Variants in RAD51B observed in about 807,000 individuals in gnomAD.
The protein encoded by RAD51B is RAD51 paralog B.
RAD51B carries 38 observed loss-of-function variants against 42.2 expected under a neutral mutation model. That is an observed-to-expected ratio of 0.90 (90% CI 0.70 to 1.18). The LOEUF (loss-of-function observed/expected upper bound fraction) is 1.18. Ranked by LOEUF, RAD51B falls within the 50% of genes most tolerant of loss-of-function variation. The pLI, the probability that RAD51B is intolerant of heterozygous loss-of-function variation, is 0.00. For synonymous variants in RAD51B, 154 were observed against 145.2 expected, an observed-to-expected ratio of 1.06 and a Z score of -0.43; for missense variants, 373 against 400.7, an observed-to-expected ratio of 0.93 and a Z score of 0.59.
intron 1 of RAD51B, among the ~76,000 whole-genome samples, chr14:67,822,653 G>C (rs1235986404): frequency 5.3e-5 from 8 of 152,136 alleles, no homozygotes; most frequent in South Asian, 2.1e-4. Context: ...AGCCCAGGAG[G>C]GGGAGGTTGC....
intron 7 of RAD51B, among the ~76,000 whole-genome samples, chr14:68,257,243 G>A (rs1409568710): frequency 6.6e-6 from 1 of 152,070 alleles, no homozygotes; most frequent in African/African-American, 2.4e-5. Context: ...AGAATTTATT[G>A]GGAATAAGAA....
intron 7 of RAD51B, among the ~76,000 whole-genome samples, chr14:67,938,643 T>G (rs1263807315): frequency 6.6e-6 from 1 of 152,254 alleles, no homozygotes; most frequent in African/African-American, 2.4e-5. Context: ...GTGTATAGTT[T>G]GCTTTGTAGA....
rs542964518 is a variant in RAD51B, at chr14:68,303,248, A to G, written c.853+11268A>G. ...AGAAAACCAAACACCGCATGTTCTC[A>G]CTCATAAGTGGGAGCTGAACAATGA... On this transcript the variant is annotated intron_variant, in intron 8 of 10. Coordinates refer to ENST00000471583, the MANE Select transcript of RAD51B (RefSeq NM_133510.4). Among the ~76,000 whole-genome samples the G allele has an allele frequency of 2.8e-4, 42 of 152,172 alleles. No individual in the cohort carries two copies. The Middle Eastern group carries it at 0.01, about 37-fold the overall frequency.
chr14:68,622,451 C>G (rs1334337787), intron 10 of RAD51B, among the ~76,000 whole-genome samples: 1 of 151,996 alleles, frequency 6.6e-6, no homozygotes, highest in African/African-American at 2.4e-5. Flanking sequence ...AGGCTGTTTA[C>G]CAAAAGGGAG....
chr14:68,441,435 G>A (rs1050357731), intron 9 of RAD51B, among the ~76,000 whole-genome samples: 5 of 141,452 alleles, frequency 3.5e-5, no homozygotes, highest in African/African-American at 1.3e-4. Flanking sequence ...CCAGCTACTC[G>A]GGAAGCTGAG....
Position 67,865,159 on chromosome 14 carries a change from A to G in RAD51B, c.452+20A>G. 6.3e-7 allele frequency: 1 copy of G among 1,575,264 alleles called. No homozygotes were observed. Among genetic ancestry groups the G allele is most frequent in the Non-Finnish European group, 8.6e-7 (1 of 1,161,992 alleles). The stretch of plus-strand genomic sequence containing the variant: ...TGAAAGGTATGAGATTTTATTTTCT[A>G]TTATAATGTTTTACTTTTGTAACTT... On this transcript the variant is annotated intron_variant, in intron 5 of 10. Coordinates refer to ENST00000471583, the MANE Select transcript of RAD51B (RefSeq NM_133510.4).
At chr14:68,192,398 T>C (rs971107999) in intron 7 of RAD51B, among the ~76,000 whole-genome samples, 5 of 152,200 alleles carry the variant, frequency 3.3e-5, no homozygotes, top group Non-Finnish European at 7.4e-5. Context: ...TATTAAATAG[T>C]ATATGTTGGC....
chr14:68,059,310 A>G (rs1343594671), intron 7 of RAD51B, among the ~76,000 whole-genome samples: 3 of 152,216 alleles, frequency 2.0e-5, no homozygotes, highest in Non-Finnish European at 4.4e-5. Context: ...TTATCTTCAC[A>G]AGATCTGAGT....
In RAD51B at chr14:67,851,331, G is replaced by A. The variant is rs539750427; in HGVS notation, c.316-13672G>A. 1.4e-3 allele frequency among the ~76,000 whole-genome samples: 220 copies of A among 152,184 alleles called. 1 individual carries two copies. Among genetic ancestry groups the A allele is most frequent in the Middle Eastern group, 3.4e-3 (1 of 292 alleles). ...AAGGGGTGAGGGCTGATATCTGGGT[G>A]AGGGGCTAAACTCTCAGGCAGGGCA... On this transcript the variant is annotated intron_variant, in intron 4 of 10. Coordinates refer to ENST00000471583, the MANE Select transcript of RAD51B (RefSeq NM_133510.4).
At chr14:68,084,857 A>T (rs1275303716) in intron 7 of RAD51B, among the ~76,000 whole-genome samples, 1 of 152,232 alleles carries the variant, frequency 6.6e-6, no homozygotes, top group African/African-American at 2.4e-5. Context: ...TGTTAAAAAA[A>T]ATCCGTGGAT....
intron 7 of RAD51B, among the ~76,000 whole-genome samples, chr14:68,214,007 A>G (rs1255558380): frequency 3.3e-5 from 5 of 152,224 alleles, no homozygotes; most frequent in Non-Finnish European, 7.3e-5. Context: ...TTATTCCAGT[A>G]AAACCATATT....
At chr14:68,636,527 G>C (rs1458369916) in intron 10 of RAD51B, among the ~76,000 whole-genome samples, 3 of 148,562 alleles carry the variant, frequency 2.0e-5, no homozygotes, top group African/African-American at 7.5e-5. Context: ...AGGTTGCAGT[G>C]AGCGGAGATT....
chr14:68,375,117 C>A (rs887047356), intron 8 of RAD51B, among the ~76,000 whole-genome samples: 1 of 151,932 alleles, frequency 6.6e-6, no homozygotes, highest in Non-Finnish European at 1.5e-5. Context: ...CAAAACTTAG[C>A]GTTACCCTAT....
intron 8 of RAD51B, among the ~76,000 whole-genome samples, chr14:68,301,593 T>G (rs1450603431): frequency 7.7e-5 from 2 of 25,924 alleles, no homozygotes; most frequent in East Asian, 1.1e-3. Flanking sequence ...TGTTTGTGTG[T>G]TTTTTTTTTT....
chr14:68,211,610 T>C (rs147272655), intron 7 of RAD51B, among the ~76,000 whole-genome samples: 136 of 152,340 alleles, frequency 8.9e-4, no homozygotes, highest in African/African-American at 2.9e-3. Context: ...CTCAACAACT[T>C]GGTTGGGAAA....
intron 8 of RAD51B, among the ~76,000 whole-genome samples, chr14:68,404,336 G>A (rs2084203641): frequency 6.6e-6 from 1 of 152,126 alleles, no homozygotes; most frequent in African/African-American, 2.4e-5. Flanking sequence ...CATAGAGAAG[G>A]TTCACTTATC....
intron 10 of RAD51B, among the ~76,000 whole-genome samples, chr14:68,627,633 G>A (rs1892119114): frequency 6.6e-6 from 1 of 152,132 alleles, no homozygotes. Context: ...GCTTCCCACA[G>A]CCTCTGTCTG....
chr14:68,502,880 G>A (rs1446685392), intron 10 of RAD51B, among the ~76,000 whole-genome samples: 3 of 152,120 alleles, frequency 2.0e-5, no homozygotes, highest in Admixed American at 1.3e-4. Context: ...TCTCAGACAG[G>A]ACAGCCATAT....
intron 10 of RAD51B, among the ~76,000 whole-genome samples, chr14:68,631,933 T>C (rs1356329095): frequency 6.6e-6 from 1 of 152,200 alleles, no homozygotes; most frequent in Non-Finnish European, 1.5e-5. Flanking sequence ...TTCTTGTTCA[T>C]CTTTCGATCC....
Sources: gnomAD v4.1 joint callset for allele counts (sites outside exome capture counted in the v4.1 genomes callset) on GRCh38, gnomAD v4.1.1 for gene constraint, MANE v1.5 for transcripts, NCBI Gene and HGNC (gene_info 2026-07-23, HGNC 2026-07-21) for gene names.